Variants in KCND2 observed in about 807,000 individuals in gnomAD.
The protein encoded by KCND2 is A-type voltage-gated potassium channel KCND2.
KCND2 carries 16 observed loss-of-function variants against 54.4 expected under a neutral mutation model. The ratio of observed to expected loss-of-function variants is 0.29; its 90% CI spans 0.20 to 0.45. KCND2 has a LOEUF of 0.45. KCND2 is among the 20% of genes least tolerant of loss of function. The pLI, the probability that KCND2 is intolerant of heterozygous loss-of-function variation, is 1.00. For missense variants in KCND2, 486 were observed against 824.2 expected (o/e 0.59, Z 5.02); for synonymous variants, 317 against 310.7 (o/e 1.02, Z -0.21).
At chr7:120,506,283 A>G (rs1803017446) in intron 1 of KCND2, among the ~76,000 whole-genome samples, 1 of 151,878 alleles carries the variant, frequency 6.6e-6, no homozygotes, top group African/African-American at 2.4e-5. Context: ...AATATGAATC[A>G]TATCCTTAAG....
intron 1 of KCND2, among the ~76,000 whole-genome samples, chr7:120,629,091 T>A (rs1793196709): frequency 6.6e-6 from 1 of 152,104 alleles, no homozygotes; most frequent in Admixed American, 6.5e-5. Context: ...TTAAGGGAAC[T>A]AAAAGAAAGA....
At chr7:120,674,115 G>A (rs1792028494) in intron 1 of KCND2, among the ~76,000 whole-genome samples, 1 of 151,970 alleles carries the variant, frequency 6.6e-6, no homozygotes. Flanking sequence ...TGTTGTCCAG[G>A]CTGGTCTTGA....
intron 1 of KCND2, among the ~76,000 whole-genome samples, chr7:120,531,461 C>G (rs147489160): frequency 1.3e-5 from 2 of 152,218 alleles, no homozygotes; most frequent in Non-Finnish European, 2.9e-5. Context: ...TTCCACCTTT[C>G]TCCTGTTCTT....
chr7:120,354,881 A>G (rs1800476082), intron 1 of KCND2, among the ~76,000 whole-genome samples: 1 of 152,252 alleles, frequency 6.6e-6, no homozygotes, highest in South Asian at 2.1e-4. Context: ...GAGATACATT[A>G]TATAAACTAT....
chr7:120,697,720 G>A (rs903192030), intron 1 of KCND2, among the ~76,000 whole-genome samples: 5 of 152,110 alleles, frequency 3.3e-5, no homozygotes, highest in African/African-American at 9.7e-5. Context: ...AGAACAATTA[G>A]CAAAGCTATG....
At chr7:120,557,436 A>T (rs916405110) in intron 1 of KCND2, among the ~76,000 whole-genome samples, 1 of 152,152 alleles carries the variant, frequency 6.6e-6, no homozygotes, top group Admixed American at 6.5e-5. Flanking sequence ...CTTTAACATC[A>T]TATACAAAAT....
chr7:120,559,518 A>C (rs1333009505), intron 1 of KCND2, among the ~76,000 whole-genome samples: 2 of 152,198 alleles, frequency 1.3e-5, no homozygotes, highest in Non-Finnish European at 2.9e-5. Context: ...GCCACCAACT[A>C]GAGGATAGGA....
intron 1 of KCND2, among the ~76,000 whole-genome samples, chr7:120,361,403 T>TA (rs1200554874): frequency 6.6e-6 from 1 of 152,004 alleles, no homozygotes. Context: ...CTCTCTCTTT[T>TA]TTTTTTTTCC....
At chr7:120,323,584 T>C (rs1198372579) in intron 1 of KCND2, among the ~76,000 whole-genome samples, 2 of 150,276 alleles carry the variant, frequency 1.3e-5, no homozygotes, top group Non-Finnish European at 3.0e-5. Flanking sequence ...TTACTGAGAA[T>C]GATGATTTCC....
intron 1 of KCND2, among the ~76,000 whole-genome samples, chr7:120,596,678 T>G (rs963503212): frequency 6.6e-6 from 1 of 152,156 alleles, no homozygotes; most frequent in Non-Finnish European, 1.5e-5. Flanking sequence ...GTAAATAAAA[T>G]CTATCTAATA....
intron 1 of KCND2, among the ~76,000 whole-genome samples, chr7:120,489,495 G>A (rs1249974315): frequency 6.6e-6 from 1 of 152,098 alleles, no homozygotes; most frequent in Non-Finnish European, 1.5e-5. Flanking sequence ...TGCTCTAAAT[G>A]AATAACTTTC....
intron 1 of KCND2, among the ~76,000 whole-genome samples, chr7:120,309,463 A>ATG (rs1799698494): frequency 8.4e-6 from 1 of 118,776 alleles, no homozygotes; most frequent in South Asian, 2.7e-4. Context: ...ATATATATAT[A>ATG]TATATATATA....
At chr7:120,602,826 A>G (rs890931356) in intron 1 of KCND2, among the ~76,000 whole-genome samples, 3 of 152,198 alleles carry the variant, frequency 2.0e-5, no homozygotes, top group Admixed American at 1.3e-4. Flanking sequence ...TAAAGTAGAG[A>G]AGATAGCAAT....
chr7:120,402,173 T>C (rs948079430), intron 1 of KCND2, among the ~76,000 whole-genome samples: 2 of 152,202 alleles, frequency 1.3e-5, no homozygotes, highest in Non-Finnish European at 2.9e-5. Context: ...ATTTATAGAA[T>C]AGTTATAGCT....
At chr7:120,547,417 C>T (rs1317212632) in intron 1 of KCND2, among the ~76,000 whole-genome samples, 1 of 151,876 alleles carries the variant, frequency 6.6e-6, no homozygotes, top group African/African-American at 2.4e-5. Flanking sequence ...CCCTGAGCCT[C>T]CATTTACTTT....
At chr7:120,287,920 A>G (rs1330001413) in intron 1 of KCND2, among the ~76,000 whole-genome samples, 2 of 152,146 alleles carry the variant, frequency 1.3e-5, no homozygotes, top group African/African-American at 4.8e-5. Flanking sequence ...GATATTATAG[A>G]TAGAAAATCA....
intron 1 of KCND2, among the ~76,000 whole-genome samples, chr7:120,276,459 A>G (rs1281086746): frequency 6.7e-6 from 1 of 148,562 alleles, no homozygotes; most frequent in Non-Finnish European, 1.5e-5. Flanking sequence ...TGTCATCCAC[A>G]CATTTTTTTT....
chr7:120,580,444 C>T (rs1220599738), intron 1 of KCND2, among the ~76,000 whole-genome samples: 1 of 152,148 alleles, frequency 6.6e-6, no homozygotes, highest in Non-Finnish European at 1.5e-5. Flanking sequence ...CCACCTTCTG[C>T]TCCACAAGCT....
intron 1 of KCND2, among the ~76,000 whole-genome samples, chr7:120,470,664 A>G (rs1435201561): frequency 6.6e-6 from 1 of 152,042 alleles, no homozygotes; most frequent in Non-Finnish European, 1.5e-5. Flanking sequence ...TAACTACCAA[A>G]GATTTAGAGA....
Sources: allele counts gnomAD v4.1 joint callset (sites outside exome capture counted in the v4.1 genomes callset), GRCh38; gene constraint gnomAD v4.1.1; transcripts MANE v1.5; gene names NCBI Gene and HGNC (gene_info 2026-07-23, HGNC 2026-07-21).